Variants in UTP18 observed in about 807,000 individuals in gnomAD.
UTP18 encodes U3 small nucleolar RNA-associated protein 18 homolog.
UTP18 carries 36 observed loss-of-function variants against 61.1 expected under a neutral mutation model. That is an observed-to-expected ratio of 0.59 (90% CI 0.45 to 0.78). UTP18 has a LOEUF of 0.78. UTP18 is among the 30% of genes least tolerant of loss of function. The pLI is 0.00. For missense variants in UTP18, 753 were observed against 693.9 expected (o/e 1.09, Z -0.96); for synonymous variants, 282 against 251.1 (o/e 1.12, Z -1.16).
chr17:51,289,528 G>A (rs905945057), intron 11 of UTP18, among the ~76,000 whole-genome samples: 1 of 151,946 alleles, frequency 6.6e-6, no homozygotes, highest in African/African-American at 2.4e-5. Context: ...AAGGATAGCA[G>A]CCTTGGGCCT....
At chr17:51,288,803 A>T (rs554018896) in intron 11 of UTP18, among the ~76,000 whole-genome samples, 3 of 152,326 alleles carry the variant, frequency 2.0e-5, no homozygotes, top group African/African-American at 7.2e-5. Flanking sequence ...AAATCAGCAA[A>T]GGGAAAGGGT....
intron 11 of UTP18, among the ~76,000 whole-genome samples, chr17:51,289,604 C>A (rs1006502136): frequency 3.3e-5 from 5 of 152,124 alleles, no homozygotes; most frequent in Non-Finnish European, 7.3e-5. Flanking sequence ...TGTGAAGTTT[C>A]CTAATCTTCA....
In UTP18 at chr17:51,296,966, T is replaced by C; in HGVS notation, c.1648T>C (p.Leu550=). The change falls in exon 13 of 14, where the codon TTG becomes CTG. Residue 550 remains leucine, a splice_region_variant and synonymous_variant. Coordinates refer to ENST00000225298, the MANE Select transcript of UTP18 (RefSeq NM_016001.3). ...NEKGKALMYR[L]HHYSDF is the part of the protein sequence containing the mutation. ...ATGACTTATTTTTTACTTTTCCAGG[T>C]TGCACCATTACTCAGACTTCTAAAG... 6.2e-7 allele frequency: 1 copy of C among 1,606,602 alleles called. No homozygotes were observed. Among genetic ancestry groups the C allele is most frequent in the Non-Finnish European group, 8.5e-7 (1 of 1,177,322 alleles).
chr17:51,290,028 G>T (rs985529314), intron 11 of UTP18, among the ~76,000 whole-genome samples: 16 of 152,304 alleles, frequency 1.1e-4, no homozygotes, highest in Admixed American at 9.1e-4. Flanking sequence ...GTAGGGCAAG[G>T]AGGAGGCTAA....
intron 12 of UTP18, among the ~76,000 whole-genome samples, chr17:51,294,856 C>T (rs1905323447): frequency 1.3e-5 from 2 of 152,126 alleles, no homozygotes. Flanking sequence ...ACATCCTCTC[C>T]AGCACCTGTT....
Position 51,260,741 on chromosome 17 carries a change from C to G in UTP18, c.157C>G (p.Arg53Gly). ...TTCATCCCAGCGGAAACCGCCGGCC[C>G]GGCCGAGCGCGGCGGCCGCTGCGAT... ...APSSQRKPPA[R>G]PSAAAAAIAV... The change falls in exon 1 of 14, where the codon CGG (arginine) becomes GGG (glycine). Residue 53 changes from arginine to glycine, a missense_variant. Physicochemically the swap from Arg to Gly is moderately radical, Grantham distance 125. Coordinates refer to ENST00000225298, the MANE Select transcript of UTP18 (RefSeq NM_016001.3). The G allele has an allele frequency of 6.3e-7, 1 of 1,584,386 alleles. No individual in the cohort carries two copies.
chr17:51,286,577 T>G, intron 10 of UTP18: 1 of 456,240 alleles, frequency 2.2e-6, no homozygotes, highest in South Asian at 1.5e-5. Flanking sequence ...GCTGTGGAGC[T>G]TGGAGACCAG....
At chr17:51,269,041 C>A (rs529242824) in intron 4 of UTP18, 137 bp downstream of exon 4, 63 of 802,962 alleles carry the variant, frequency 7.8e-5, no homozygotes, top group Middle Eastern at 2.6e-4. Flanking sequence ...CATCCCAGTG[C>A]TTTGGGAGCC....
intron 1 of UTP18, among the ~76,000 whole-genome samples, chr17:51,262,009 G>A (rs751695093): frequency 1.3e-5 from 2 of 152,188 alleles, no homozygotes; most frequent in African/African-American, 2.4e-5. Context: ...AGTAGAGCAA[G>A]TAGAAACCAC....
chr17:51,289,233 G>C (rs1228280985), intron 11 of UTP18, among the ~76,000 whole-genome samples: 1 of 146,832 alleles, frequency 6.8e-6, no homozygotes, highest in East Asian at 2.0e-4. Context: ...GTCTCACTCT[G>C]TTGCCCAGGC....
chr17:51,283,834 C>T (rs1905028639), intron 9 of UTP18, among the ~76,000 whole-genome samples: 2 of 151,562 alleles, frequency 1.3e-5, no homozygotes, highest in South Asian at 4.2e-4. Flanking sequence ...AGGTTGGTCT[C>T]GAACTCCTGG....
intron 3 of UTP18, among the ~76,000 whole-genome samples, chr17:51,267,076 C>T (rs1011684342): frequency 1.3e-5 from 2 of 152,176 alleles, no homozygotes; most frequent in African/African-American, 4.8e-5. Context: ...AATCCTCCCA[C>T]CTCAGCCTCC....
At chr17:51,282,580 G>A (rs557814691) in intron 9 of UTP18, among the ~76,000 whole-genome samples, 36 of 152,216 alleles carry the variant, frequency 2.4e-4, no homozygotes, top group South Asian at 1.0e-3. Context: ...AATGGCCCTT[G>A]GCCCTGGTAG....
At chr17:51,283,513 T>G (rs572640831) in intron 9 of UTP18, among the ~76,000 whole-genome samples, 2 of 151,476 alleles carry the variant, frequency 1.3e-5, no homozygotes, top group South Asian at 4.3e-4. Context: ...TAGTAACATA[T>G]TGTTCACATT....
intron 3 of UTP18, among the ~76,000 whole-genome samples, chr17:51,268,049 G>A (rs961743878): frequency 6.3e-4 from 87 of 137,976 alleles, no homozygotes; most frequent in Admixed American, 3.4e-3. Flanking sequence ...TGGCTCTGTC[G>A]CCCAGGCTGG....
At position 51,266,179 on chromosome 17, in the gene UTP18, T is replaced by A. The variant is rs2055558874; in HGVS notation, c.456-3T>A. 1.9e-6 allele frequency: 3 copies of A among 1,576,832 alleles called. No homozygotes were observed. The East Asian group carries it at 7.0e-5, about 37-fold the overall frequency. On this transcript the variant is annotated splice_polypyrimidine_tract_variant and splice_region_variant and intron_variant, in intron 2 of 13. Transcript: ENST00000225298. ...TTTAAAATATGCTGTTCTGTTTTTG[T>A]AGGGTTGACATGATGAACAATCGGT...
At chr17:51,288,230 T>A in intron 11 of UTP18, 27 bp downstream of exon 11, 1 of 1,534,754 alleles carries the variant, frequency 6.5e-7, no homozygotes, top group Non-Finnish European at 8.7e-7. Flanking sequence ...CCCTTTATTA[T>A]TGTTATTTTT....
At chr17:51,263,539 C>T (rs2055529572) in intron 2 of UTP18, among the ~76,000 whole-genome samples, 153 bp downstream of exon 2, 1 of 152,114 alleles carries the variant, frequency 6.6e-6, no homozygotes, top group Non-Finnish European at 1.5e-5. Context: ...TTCCTGATCC[C>T]ACCACCGAGG....
chr17:51,297,056 C>T, intron 13 of UTP18, 53 bp downstream of exon 13: 12 of 1,470,526 alleles, frequency 8.2e-6, no homozygotes, highest in Non-Finnish European at 1.0e-5. Context: ...ACACCCATTG[C>T]TGTCAGTTGG....
Sources: allele counts gnomAD v4.1 joint callset (sites outside exome capture counted in the v4.1 genomes callset), GRCh38; gene constraint gnomAD v4.1.1; transcripts MANE v1.5; gene names NCBI Gene and HGNC (gene_info 2026-07-23, HGNC 2026-07-21).